Variants in GDA observed in about 807,000 individuals in gnomAD.
GDA encodes the protein guanine deaminase, also known as cytoplasmic PSD-95 interactor.
A neutral mutation model predicts 59.6 loss-of-function variants in GDA; 18 were observed. That is an observed-to-expected ratio of 0.30 (90% confidence interval 0.21 to 0.45). The LOEUF is 0.45. GDA is among the 20% of genes least tolerant of loss of function. The pLI, the probability that GDA is intolerant of heterozygous loss-of-function variation, is 1.00. For missense variants in GDA, 427 were observed against 552.3 expected (o/e 0.77, Z 2.27); for synonymous variants, 201 against 201.1 (o/e 1.00, Z 0.00).
Position 72,220,386 on chromosome 9 carries a change from C to T in GDA, c.606+880C>T, listed in dbSNP as rs146961976. ...TAGATATCGTTCACATATGTACAAA[C>T]ATCAAACTTGCTTTATTCTTAAAAT... is the stretch of plus-strand genomic sequence containing the variant. On this transcript the variant is annotated intron_variant, in intron 6 of 13. Transcript: ENST00000358399. 3.9e-5 allele frequency among the ~76,000 whole-genome samples: 6 copies of T among 152,234 alleles called. No individual in the cohort carries two copies. The East Asian group carries it at 1.2e-3, about 29-fold the overall frequency.
chr9:72,211,168 A>C (rs1179120279), intron 4 of GDA, among the ~76,000 whole-genome samples: 1 of 152,178 alleles, frequency 6.6e-6, no homozygotes, highest in Admixed American at 6.6e-5. Flanking sequence ...GAGTCAGGGC[A>C]CTGTGCTAGA....
chr9:72,202,533 A>G, intron 2 of GDA, 38 bp from the exon 3 acceptor site: 1 of 1,319,052 alleles, frequency 7.6e-7, no homozygotes, highest in African/African-American at 1.5e-5. Context: ...ATGACTGAAG[A>G]TATTATTAAA....
chr9:72,225,630 A>G (rs758777984), intron 7 of GDA, 47 bp from the exon 8 acceptor site: 1 of 892,674 alleles, frequency 1.1e-6, no homozygotes, highest in East Asian at 2.4e-5. Context: ...GTAATTTCTA[A>G]TGGTATTTTA....
At chr9:72,147,078 T>C (rs1826667298), upstream of GDA, among the ~76,000 whole-genome samples, 2 of 152,156 alleles carry the variant, frequency 1.3e-5, no homozygotes, top group African/African-American at 4.8e-5. Flanking sequence ...AAAACAAAAT[T>C]CTCTACCTAG....
chr9:72,194,698 C>T (rs1319531144), intron 1 of GDA, among the ~76,000 whole-genome samples: 8 of 152,140 alleles, frequency 5.3e-5, no homozygotes, highest in African/African-American at 1.9e-4. Flanking sequence ...AGGACTCACA[C>T]AAAAGTTGTA....
At chr9:72,172,178 C>T (rs150073774) in intron 1 of GDA, among the ~76,000 whole-genome samples, 66 of 151,840 alleles carry the variant, frequency 4.3e-4, no homozygotes, top group Non-Finnish European at 7.9e-4. Context: ...GCAATTATTA[C>T]CAGTTTCTTA....
intron 1 of GDA, among the ~76,000 whole-genome samples, chr9:72,162,546 G>A (rs1295197372): frequency 1.3e-5 from 2 of 152,174 alleles, no homozygotes; most frequent in African/African-American, 4.8e-5. Context: ...AAGAATGGAG[G>A]AGGAGGAGGT....
intron 1 of GDA, among the ~76,000 whole-genome samples, chr9:72,178,631 T>C (rs897874778): frequency 6.6e-6 from 1 of 152,132 alleles, no homozygotes; most frequent in Non-Finnish European, 1.5e-5. Context: ...TTGGTCAGGC[T>C]GGTCTCGAAC....
intron 1 of GDA, among the ~76,000 whole-genome samples, chr9:72,190,213 C>T (rs1321955012): frequency 2.0e-5 from 3 of 152,066 alleles, no homozygotes; most frequent in South Asian, 2.1e-4. Context: ...CTGCAACCTC[C>T]GCCTCCCAGG....
downstream of GDA, among the ~76,000 whole-genome samples, chr9:72,256,452 T>G (rs559231314): frequency 6.6e-6 from 1 of 152,238 alleles, no homozygotes; most frequent in Non-Finnish European, 1.5e-5. Context: ...TAAGGGTGTT[T>G]AAGGGGGAAA....
At chr9:72,220,396 G>A (rs1836715367) in intron 6 of GDA, among the ~76,000 whole-genome samples, 1 of 152,124 alleles carries the variant, frequency 6.6e-6, no homozygotes, top group African/African-American at 2.4e-5. Context: ...CATCAAACTT[G>A]CTTTATTCTT....
intron 1 of GDA, among the ~76,000 whole-genome samples, chr9:72,163,132 G>A (rs1274486490): frequency 6.6e-6 from 1 of 152,170 alleles, no homozygotes; most frequent in Non-Finnish European, 1.5e-5. Flanking sequence ...TGTGAGATGA[G>A]AAGGAGGTAA....
chr9:72,202,459 T>A, intron 2 of GDA, 112 bp from the exon 3 acceptor site: 1 of 688,710 alleles, frequency 1.5e-6, no homozygotes, highest in Non-Finnish European at 2.5e-6. Flanking sequence ...GCATTACCTA[T>A]AAACCTGTGT....
chr9:72,117,831 C>T (rs543891118), intron 1 of GDA, among the ~76,000 whole-genome samples: 12 of 152,234 alleles, frequency 7.9e-5, no homozygotes, highest in African/African-American at 2.9e-4. Flanking sequence ...AAAGTGGGTT[C>T]TGCAAGCACA....
chr9:72,141,139 C>T (rs1258441297), intron 1 of GDA, among the ~76,000 whole-genome samples: 1 of 152,076 alleles, frequency 6.6e-6, no homozygotes, highest in East Asian at 1.9e-4. Context: ...TTAATATTTA[C>T]TGATTCCCTA....
chr9:72,233,876 A>C (rs1367576327), intron 10 of GDA, among the ~76,000 whole-genome samples: 2 of 152,194 alleles, frequency 1.3e-5, no homozygotes, highest in Non-Finnish European at 2.9e-5. Flanking sequence ...TGGGAGGTCA[A>C]GGCTGCAGTG....
chr9:72,231,226 T>C (rs751012127), intron 10 of GDA, 45 bp downstream of exon 10: 4 of 999,862 alleles, frequency 4.0e-6, no homozygotes, highest in Admixed American at 3.4e-5. Flanking sequence ...GGTTGATTAC[T>C]GTGTAATTTT....
At chr9:72,254,193 A>C (rs1840835847), downstream of GDA, among the ~76,000 whole-genome samples, 1 of 152,200 alleles carries the variant, frequency 6.6e-6, no homozygotes, top group Admixed American at 6.5e-5. Context: ...TAATTTTTTA[A>C]ACTAATTCAG....
Position 72,202,709 on chromosome 9 carries a change from C to T in GDA, c.351C>T (p.Ile117=), listed in dbSNP as rs761986169. ...CTGCAGAACACAGATTCCAGAACAT[C>T]GACTTTGCAGAAGAAGTATATACCA... is the stretch of plus-strand genomic sequence containing the variant. ...TFPAEHRFQN[I]DFAEEVYTRV... The change falls in exon 3 of 14, where the codon ATC becomes ATT. Residue 117 remains isoleucine (I), a synonymous_variant. Coordinates refer to ENST00000358399, the MANE Select transcript of GDA (RefSeq NM_004293.5). 2.2e-5 allele frequency: 35 copies of T among 1,613,570 alleles called. No homozygotes were observed. Among genetic ancestry groups the T allele is most frequent in the East Asian group, 4.5e-5 (2 of 44,862 alleles).
Sources: allele counts gnomAD v4.1 joint callset (sites outside exome capture counted in the v4.1 genomes callset), GRCh38; gene constraint gnomAD v4.1.1; transcripts MANE v1.5; gene names NCBI Gene and HGNC (gene_info 2026-07-23, HGNC 2026-07-21).